Variants in MFAP2 observed in about 807,000 individuals in gnomAD.
The protein encoded by MFAP2 is microfibril associated protein 2.
In MFAP2, 23 loss-of-function variants were observed where a neutral mutation model predicts 30.6. The ratio of observed to expected loss-of-function variants is 0.75; its 90% CI spans 0.54 to 1.07. MFAP2 has a LOEUF of 1.07. Ranked by LOEUF, MFAP2 falls within the 50% of genes least tolerant of loss-of-function variation. The pLI, the probability that MFAP2 is intolerant of heterozygous loss-of-function variation, is 0.00. For missense variants in MFAP2, 198 were observed against 223.8 expected (o/e 0.88, Z 0.74); for synonymous variants, 73 against 85.7 (o/e 0.85, Z 0.82).
In MFAP2 at chr1:16,975,841, T is replaced by C. The variant is rs920829448; in HGVS notation, c.287-111A>G. 3.7e-6 allele frequency: 3 copies of C among 820,444 alleles called. No individual in the cohort carries two copies. Among genetic ancestry groups the C allele is most frequent in the Non-Finnish European group, 5.9e-6 (3 of 506,022 alleles). 50.8% of individuals were successfully genotyped at this position (820,444 alleles called of 1,614,324 possible). A position where few individuals can be genotyped will look rare whatever the true frequency, so the allele number is the denominator to read the frequency against. On this transcript the variant is annotated intron_variant, in intron 6 of 8. Coordinates refer to ENST00000375535, the MANE Select transcript of MFAP2 (RefSeq NM_002403.4). This position sits in a 1 kb window ranked among gnomAD's most constrained non-coding sequence, Gnocchi z 5.0. ...GTCCCCCCTGTACCTTCAGGCCCCG[T>C]GCAGACACCCATACCTACACATGCC...
rs1406243196 is a variant in MFAP2 at position 16,976,683 on chromosome 1, G to C, written c.241+25C>G. ...GAGGGGTGAGGCAGGAGCTGAGACGGGTGGGAGCAGGGTCTGGGGCCTACC... is the reference window on the plus strand; with the variant it reads ...GAGGGGTGAGGCAGGAGCTGAGACGCGTGGGAGCAGGGTCTGGGGCCTACC... On this transcript the variant is annotated intron_variant, in intron 5 of 8. Coordinates refer to ENST00000375535, the MANE Select transcript of MFAP2 (RefSeq NM_002403.4). This position sits in a 1 kb window ranked among gnomAD's most constrained non-coding sequence, Gnocchi z 5.5. 6 of 1,612,634 alleles carry C rather than the reference G, an allele frequency of 3.7e-6. No individual in the cohort carries two copies. The highest frequency in any genetic ancestry group is 5.1e-6 in the Non-Finnish European group (6 of 1,179,088).
chr1:16,977,216 A>G lies in MFAP2; in HGVS notation c.38-18T>C. On this transcript the variant is annotated intron_variant, in intron 2 of 8. Transcript: ENST00000375535. ...CAAGCCTGCTGTGGGGAGGCAAAGC[A>G]TGTAGGGTACCCCATCGGGAGGGGC... 1 of 1,611,948 alleles carries G rather than the reference A, an allele frequency of 6.2e-7. No individual in the cohort carries two copies. Among genetic ancestry groups the G allele is most frequent in the Non-Finnish European group, 8.5e-7 (1 of 1,179,250 alleles).
chr1:16,981,232 C>A (rs1227444776), upstream of MFAP2, among the ~76,000 whole-genome samples: 3 of 152,348 alleles, frequency 2.0e-5, no homozygotes, highest in East Asian at 5.8e-4. Flanking sequence ...TTCCTCCTGT[C>A]TCATCCTCCT....
Position 16,975,708 on chromosome 1 carries a change from CG to C in MFAP2, c.308del (p.Pro103ArgfsTer60), listed in dbSNP as rs2076585005. The C allele has an allele frequency of 6.2e-7, 1 of 1,613,266 alleles. No individual in the cohort carries two copies. The highest frequency in any genetic ancestry group is 1.3e-5 in the African/African-American group (1 of 74,834). On this transcript the variant is annotated frameshift_variant, in exon 7 of 9. Transcript: ENST00000375535. LOFTEE classifies it high-confidence loss of function. The surrounding 1 kb of genome is among the most constrained non-coding windows in gnomAD (Gnocchi z 5.0). ...GPLDCREEQY[P>X]CTRLYSIHRP... ...TGTGTATGGAGTAGAGGCGGGTGCA[CG>C]GGTACTGTTCCTCACGGCAGTCTGG... is the stretch of plus-strand genomic sequence containing the variant.
In MFAP2 at chr1:16,976,348, T is replaced by G. The variant is rs1195524117; in HGVS notation, c.286+153A>C. 1.0e-6 allele frequency: 1 copy of G among 958,554 alleles called. No homozygotes were observed. The highest frequency in any genetic ancestry group is 1.6e-6 in the Non-Finnish European group (1 of 611,086). 59.4% of individuals were successfully genotyped at this position (958,554 alleles called of 1,614,324 possible). A position where few individuals can be genotyped will look rare whatever the true frequency, so the allele number is the denominator to read the frequency against. On this transcript the variant is annotated intron_variant, in intron 6 of 8. Coordinates refer to ENST00000375535, the MANE Select transcript of MFAP2 (RefSeq NM_002403.4). This position sits in a 1 kb window ranked among gnomAD's most constrained non-coding sequence, Gnocchi z 5.5. ...ACCTCCTGGAGCTGCCTGGGGGGCC[T>G]GGTGATGCCAGCCTACGGCAGTCAT...
intron 1 of MFAP2, among the ~76,000 whole-genome samples, chr1:16,979,467 A>G (rs2076619476): frequency 6.6e-6 from 1 of 152,164 alleles, no homozygotes; most frequent in Admixed American, 6.5e-5. Flanking sequence ...CTTCCTCTCA[A>G]TCCTGAGGCC....
At position 16,976,144 on chromosome 1, in the gene MFAP2, C is replaced by T. The variant is rs1295110040; in HGVS notation, c.286+357G>A. 2 of 503,300 alleles carry T rather than the reference C, an allele frequency of 4.0e-6. No homozygotes were observed. The highest frequency in any genetic ancestry group is 3.6e-6 in the Non-Finnish European group (1 of 277,328). 31.2% of individuals were successfully genotyped at this position (503,300 alleles called of 1,614,324 possible). A position where few individuals can be genotyped will look rare whatever the true frequency, so the allele number is the denominator to read the frequency against. On this transcript the variant is annotated intron_variant, in intron 6 of 8. Coordinates refer to ENST00000375535, the MANE Select transcript of MFAP2 (RefSeq NM_002403.4). This position sits in a 1 kb window ranked among gnomAD's most constrained non-coding sequence, Gnocchi z 5.5. Reference sequence around the variant, plus strand: ...GCTCTCAGCTAGGGCAGCCGGAGGGCACCGCTCAGCCAGCCTGCACTCCCT... The same window carrying T: ...GCTCTCAGCTAGGGCAGCCGGAGGGTACCGCTCAGCCAGCCTGCACTCCCT...
intron 2 of MFAP2, 71 bp downstream of exon 2, chr1:16,978,166 A>T: frequency 6.7e-7 from 1 of 1,490,738 alleles, no homozygotes; most frequent in East Asian, 2.5e-5. Context: ...GCTCACTATG[A>T]ATTCCCCCTA....
upstream of MFAP2, among the ~76,000 whole-genome samples, chr1:16,981,079 C>T (rs958869410): frequency 6.6e-6 from 1 of 152,198 alleles, no homozygotes; most frequent in African/African-American, 2.4e-5. Context: ...AGGCCCGCAC[C>T]CTCCTCTCCT....
chr1:16,980,770 G>GC (rs1491507766), upstream of MFAP2: 1 of 8,686 alleles, frequency 1.2e-4, no homozygotes, highest in African/African-American at 2.0e-4. Context: ...TCCATCTCCT[G>GC]GGGGGGGGGG....
chr1:16,975,719 C>T lies in MFAP2; in HGVS notation c.298G>A (p.Glu100Lys), dbSNP rs768117305. 5 of 1,613,058 alleles carry T rather than the reference C, an allele frequency of 3.1e-6. No individual in the cohort carries two copies. The East Asian group carries it at 8.9e-5, about 29-fold the overall frequency. ...TEPGPLDCRE[E>K]QYPCTRLYSI... ...TAGAGGCGGGTGCACGGGTACTGTT[C>T]CTCACGGCAGTCTGGTGACAGGTGG... Residue 100 changes from glutamate (E) to lysine (K), a missense_variant, in exon 7 of 9, where the codon GAA becomes AAA. Transcript: ENST00000375535. This position sits in a 1 kb window ranked among gnomAD's most constrained non-coding sequence, Gnocchi z 5.0.
At position 16,975,244 on chromosome 1, in the gene MFAP2, G is replaced by A. The variant is rs1248888518; in HGVS notation, c.448+25C>T. 2 of 1,603,980 alleles carry A rather than the reference G, an allele frequency of 1.2e-6. No individual in the cohort carries two copies. Among genetic ancestry groups the A allele is most frequent in the Admixed American group, 1.7e-5 (1 of 59,660 alleles). On this transcript the variant is annotated intron_variant, in intron 8 of 8. Coordinates refer to ENST00000375535, the MANE Select transcript of MFAP2 (RefSeq NM_002403.4). The surrounding 1 kb of genome is among the most constrained non-coding windows in gnomAD (Gnocchi z 5.0). ...ATGATGCGGGTGTGGGGACAGGGGA[G>A]GTCTTGGGGAGGTGGCCTTCCTACC... is the stretch of plus-strand genomic sequence containing the variant.
chr1:16,975,635 G>C lies in MFAP2; in HGVS notation c.374+8C>G. 1 of 1,613,534 alleles carries C rather than the reference G, an allele frequency of 6.2e-7. No homozygotes were observed. Among genetic ancestry groups the C allele is most frequent in the South Asian group, 1.1e-5 (1 of 91,020 alleles). On this transcript the variant is annotated splice_region_variant and intron_variant, in intron 7 of 8. Coordinates refer to ENST00000375535, the MANE Select transcript of MFAP2 (RefSeq NM_002403.4). This position sits in a 1 kb window ranked among gnomAD's most constrained non-coding sequence, Gnocchi z 5.0. ...GAATCCTCCCGACAGCTGCCCATCTGTGCTCACCTGTAGAAGCAGACCTCG... is the reference window on the plus strand; with the variant it reads ...GAATCCTCCCGACAGCTGCCCATCTCTGCTCACCTGTAGAAGCAGACCTCG...
chr1:16,975,272 G>A lies in MFAP2; in HGVS notation c.445C>T (p.Arg149Ter), dbSNP rs758963180. The change falls in exon 8 of 9, where the codon CGA (arginine) becomes TGA (stop). Residue 149 changes from arginine to a stop codon, truncating the protein, a stop_gained. Coordinates refer to ENST00000375535, the MANE Select transcript of MFAP2 (RefSeq NM_002403.4). LOFTEE classifies it high-confidence loss of function. The surrounding 1 kb of genome is among the most constrained non-coding windows in gnomAD (Gnocchi z 5.0). The stretch of plus-strand genomic sequence containing the variant: ...CTTGGGGAGGTGGCCTTCCTACCTC[G>A]GAGGAGCTCCTCATGGGCACACACT... Reference protein sequence around the residue: ...RTVCAHEELLRADLCRDKFSK... With the variant: ...RTVCAHEELL 6.2e-6 allele frequency: 10 copies of A among 1,613,442 alleles called. No individual in the cohort carries two copies. The highest frequency in any genetic ancestry group is 5.9e-6 in the Non-Finnish European group (7 of 1,179,642).
At chr1:16,978,436 G>C (rs1370137493) in intron 1 of MFAP2, 122 bp from the exon 2 acceptor site, 2 of 796,310 alleles carry the variant, frequency 2.5e-6, no homozygotes, top group Non-Finnish European at 2.0e-6. Context: ...AGGCATGGGA[G>C]GGCTGGAGTG....
In MFAP2 at chr1:16,974,929, C is replaced by T. The variant is rs781497520; in HGVS notation, c.543G>A (p.Gly181=). Residue 181 remains glycine, a synonymous_variant, in exon 9 of 9, where the codon GGG becomes GGA. Coordinates refer to ENST00000375535, the MANE Select transcript of MFAP2 (RefSeq NM_002403.4). ...GGATGCCAGCACCACCCTAGCAGCT[C>T]CCACAGCTCCTGGCACAGGAGGCCG... The part of the protein sequence containing the change: ...SVAASCARSC[G]SC 7 of 838,350 alleles carry T rather than the reference C, an allele frequency of 8.3e-6. No individual in the cohort carries two copies. The South Asian group carries it at 1.1e-4, about 13-fold the overall frequency. The allele number at this position is 838,350 out of a possible 1,614,324, so 51.9% of individuals were successfully genotyped here.
rs1247799963 is a variant in MFAP2, at chr1:16,976,577, C to G, written c.242-32G>C. 1.9e-6 allele frequency: 3 copies of G among 1,614,154 alleles called. No homozygotes were observed. The highest frequency in any genetic ancestry group is 1.6e-4 in the Middle Eastern group (1 of 6,062). The stretch of plus-strand genomic sequence containing the variant: ...TGGAGACAGAGGTAGGCAGACATCA[C>G]TGGGAGGGGTCTCCTCAGGGCAAGG... On this transcript the variant is annotated intron_variant, in intron 5 of 8. Coordinates refer to ENST00000375535, the MANE Select transcript of MFAP2 (RefSeq NM_002403.4). The surrounding 1 kb of genome is among the most constrained non-coding windows in gnomAD (Gnocchi z 5.5).
In MFAP2 at chr1:16,975,434, G is replaced by C; in HGVS notation, c.375-92C>G. 8 of 1,396,914 alleles carry C rather than the reference G, an allele frequency of 5.7e-6. No individual in the cohort carries two copies. Among genetic ancestry groups the C allele is most frequent in the Non-Finnish European group, 8.0e-6 (8 of 1,003,868 alleles). The allele number at this position is 1,396,914 out of a possible 1,614,324, so 86.5% of individuals were successfully genotyped here. ...AGAACCTGGCACGGGAGCCCGGACA[G>C]AACCTGGCACGGGAGCCCGGACAGA... On this transcript the variant is annotated intron_variant, in intron 7 of 8. Coordinates refer to ENST00000375535, the MANE Select transcript of MFAP2 (RefSeq NM_002403.4). This position sits in a 1 kb window ranked among gnomAD's most constrained non-coding sequence, Gnocchi z 5.0.
In MFAP2 at chr1:16,975,281, C is replaced by T; in HGVS notation, c.436G>A (p.Glu146Lys). Reference protein sequence around the residue: ...ICVRTVCAHEELLRADLCRDK... With the variant: ...ICVRTVCAHEKLLRADLCRDK... ...GTGGCCTTCCTACCTCGGAGGAGCT[C>T]CTCATGGGCACACACTGTACGAACA... is the stretch of plus-strand genomic sequence containing the variant. The change falls in exon 8 of 9, where the codon GAG becomes AAG. Residue 146 changes from glutamate (E) to lysine (K), a missense_variant. Glu to Lys is a moderately conservative substitution (Grantham distance 56). Transcript: ENST00000375535. This position sits in a 1 kb window ranked among gnomAD's most constrained non-coding sequence, Gnocchi z 5.0. 6.2e-7 allele frequency: 1 copy of T among 1,613,710 alleles called. No individual in the cohort carries two copies. The highest frequency in any genetic ancestry group is 8.5e-7 in the Non-Finnish European group (1 of 1,179,768).
Sources: allele counts gnomAD v4.1 joint callset (sites outside exome capture counted in the v4.1 genomes callset), GRCh38; gene constraint gnomAD v4.1.1; non-coding constraint Gnocchi (gnomAD v3.1); transcripts MANE v1.5; gene names NCBI Gene and HGNC (gene_info 2026-07-23, HGNC 2026-07-21).